COL25A1: variants seen among roughly 807,000 people sequenced by gnomAD.
COL25A1 encodes collagen type XXV alpha 1 chain, also known as collagen alpha-1(XXV) chain.
A neutral mutation model predicts 128.4 loss-of-function variants in COL25A1; 103 were observed. That is an observed-to-expected ratio of 0.80 (90% CI 0.68 to 0.94). COL25A1 has a LOEUF of 0.94. Among genes scored for constraint, COL25A1 ranks in the 40% least tolerant of loss-of-function variants. COL25A1 has a pLI of 0.00. For missense variants in COL25A1, 745 were observed against 840.0 expected, an observed-to-expected ratio of 0.89 and a Z score of 1.40; for synonymous variants, 279 against 277.2, an observed-to-expected ratio of 1.01 and a Z score of -0.06.
At chr4:109,018,142 G>A (rs1269240383) in intron 5 of COL25A1, among the ~76,000 whole-genome samples, 2 of 152,098 alleles carry the variant, frequency 1.3e-5, no homozygotes, top group African/African-American at 4.8e-5. Flanking sequence ...CTGAGCAGCT[G>A]CAGGATTGTT....
intron 3 of COL25A1, among the ~76,000 whole-genome samples, chr4:109,091,570 T>C (rs1335085520): frequency 1.2e-4 from 18 of 152,154 alleles, no homozygotes; most frequent in Non-Finnish European, 2.9e-5. Flanking sequence ...CCACAACACC[T>C]AACACATAGT....
chr4:109,008,539 T>C (rs886199259), intron 6 of COL25A1, among the ~76,000 whole-genome samples: 1 of 152,166 alleles, frequency 6.6e-6, no homozygotes, highest in African/African-American at 2.4e-5. Context: ...AGAGGTCCTA[T>C]TAAAAATTAA....
chr4:108,951,677 C>T (rs1454529964), intron 8 of COL25A1, among the ~76,000 whole-genome samples: 2 of 152,164 alleles, frequency 1.3e-5, no homozygotes, highest in Non-Finnish European at 1.5e-5. Flanking sequence ...TAAGCCACCG[C>T]GCCCAGCCAA....
At chr4:108,979,933 G>A (rs1752800344) in intron 6 of COL25A1, among the ~76,000 whole-genome samples, 2 of 152,186 alleles carry the variant, frequency 1.3e-5, no homozygotes, top group South Asian at 4.1e-4. Context: ...ATATCCAGGA[G>A]TAAGGCGATG....
intron 3 of COL25A1, among the ~76,000 whole-genome samples, chr4:109,187,247 T>TTTTCC (rs1775229019): frequency 6.8e-6 from 1 of 147,844 alleles, no homozygotes; most frequent in African/African-American, 2.5e-5. Context: ...CTTTTCCATC[T>TTTTCC]TCTTCTCAAA....
At chr4:109,256,822 G>A (rs1400798898) in intron 3 of COL25A1, among the ~76,000 whole-genome samples, 1 of 152,100 alleles carries the variant, frequency 6.6e-6, no homozygotes, top group Non-Finnish European at 1.5e-5. Flanking sequence ...CCTCCTTCTA[G>A]TCTATATTCT....
chr4:108,822,509 TGAGTTCAA>T (rs1731903468), intron 35 of COL25A1, among the ~76,000 whole-genome samples: 1 of 152,202 alleles, frequency 6.6e-6, no homozygotes, highest in Middle Eastern at 3.4e-3. Context: ...CTCAAACTCT[TGAGTTCAA>T]GTGATCTTCC....
intron 3 of COL25A1, among the ~76,000 whole-genome samples, chr4:109,296,482 G>A (rs551274480): frequency 3.3e-5 from 5 of 151,990 alleles, no homozygotes; most frequent in Non-Finnish European, 7.4e-5. Context: ...CTTCTTGAGG[G>A]AAGATACCAA....
chr4:109,131,073 C>T (rs1289507497), intron 3 of COL25A1, among the ~76,000 whole-genome samples: 1 of 152,010 alleles, frequency 6.6e-6, no homozygotes, highest in Non-Finnish European at 1.5e-5. Context: ...AATAATTTCA[C>T]AATAAGATAT....
intron 30 of COL25A1, among the ~76,000 whole-genome samples, 185 bp downstream of exon 30, chr4:108,844,334 T>C (rs763278223): frequency 3.9e-5 from 6 of 152,240 alleles, no homozygotes; most frequent in Non-Finnish European, 8.8e-5. Flanking sequence ...TCCCAACATA[T>C]GTGTTTGGGA....
chr4:109,021,773 T>TGG (rs1196137644), intron 5 of COL25A1: 5 of 453,332 alleles, frequency 1.1e-5, no homozygotes, highest in Non-Finnish European at 2.2e-5. Flanking sequence ...ATTGCATTCC[T>TGG]GGGGGCAGGT....
chr4:108,892,124 T>A, intron 16 of COL25A1, among the ~76,000 whole-genome samples: 1 of 144,432 alleles, frequency 6.9e-6, no homozygotes, highest in East Asian at 2.2e-4. Flanking sequence ...ACAGTGTGTG[T>A]TTATAATCCT....
At chr4:109,233,393 G>A (rs1180188172) in intron 3 of COL25A1, among the ~76,000 whole-genome samples, 2 of 152,008 alleles carry the variant, frequency 1.3e-5, no homozygotes, top group East Asian at 3.9e-4. Flanking sequence ...TATTCATTCT[G>A]ATCCAACTAG....
intron 3 of COL25A1, among the ~76,000 whole-genome samples, chr4:109,233,172 T>C (rs2126222661): frequency 6.6e-6 from 1 of 152,300 alleles, no homozygotes; most frequent in African/African-American, 2.4e-5. Flanking sequence ...TTTTTAATGC[T>C]TATCATCTGT....
At chr4:109,238,036 C>T (rs928633087) in intron 3 of COL25A1, among the ~76,000 whole-genome samples, 1 of 151,976 alleles carries the variant, frequency 6.6e-6, no homozygotes, top group Non-Finnish European at 1.5e-5. Context: ...ATTGTATATA[C>T]ATACTACATT....
At chr4:109,170,787 A>C (rs189910187) in intron 3 of COL25A1, among the ~76,000 whole-genome samples, 3 of 152,316 alleles carry the variant, frequency 2.0e-5, no homozygotes, top group Admixed American at 2.0e-4. Flanking sequence ...TTTTTAAACA[A>C]TGAATCAGAA....
At chr4:108,927,380 C>A (rs1319085114) in intron 11 of COL25A1, among the ~76,000 whole-genome samples, 2 of 152,142 alleles carry the variant, frequency 1.3e-5, no homozygotes, top group Admixed American at 1.3e-4. Flanking sequence ...TAATTATTGA[C>A]TAAATGGAAA....
chr4:108,846,575 T>G (rs753834470), intron 27 of COL25A1, among the ~76,000 whole-genome samples: 32 of 152,146 alleles, frequency 2.1e-4, no homozygotes, highest in Non-Finnish European at 1.8e-4. Flanking sequence ...ACAGGATGTA[T>G]TTTGAACTGG....
intron 31 of COL25A1, among the ~76,000 whole-genome samples, chr4:108,841,242 C>G (rs1195569386): frequency 6.6e-6 from 1 of 152,042 alleles, no homozygotes; most frequent in Non-Finnish European, 1.5e-5. Context: ...ACTTCTAGAC[C>G]AATGACCTCT....
Sources: allele counts gnomAD v4.1 joint callset (sites outside exome capture counted in the v4.1 genomes callset), GRCh38; gene constraint gnomAD v4.1.1; transcripts MANE v1.5; gene names NCBI Gene and HGNC (gene_info 2026-07-23, HGNC 2026-07-21).